STARD13: variants seen among roughly 807,000 people sequenced by gnomAD.
STARD13 encodes the protein stAR-related lipid transfer protein 13.
In STARD13, 62 loss-of-function variants were observed where a neutral mutation model predicts 106.4. The ratio of observed to expected loss-of-function variants is 0.58; its 90% CI spans 0.48 to 0.72. STARD13 has a LOEUF of 0.72. STARD13 is among the 30% of genes least tolerant of loss of function. The pLI is 0.00. For synonymous variants in STARD13, 565 were observed against 553.0 expected (o/e 1.02, Z -0.31); for missense variants, 1,387 against 1,424.0 (o/e 0.97, Z 0.42).
chr13:33,167,230 G>GA (rs1294355122), intron 2 of STARD13, among the ~76,000 whole-genome samples: 6 of 152,102 alleles, frequency 3.9e-5, no homozygotes, highest in African/African-American at 1.4e-4. Context: ...AGTAGTAAAG[G>GA]AAAAACAAGG....
chr13:33,256,474 C>T (rs554560069), intron 1 of STARD13, among the ~76,000 whole-genome samples: 1 of 152,346 alleles, frequency 6.6e-6, no homozygotes, highest in South Asian at 2.1e-4. Context: ...AACCCATCAG[C>T]ACATTGACAG....
the STARD13 span, among the ~76,000 whole-genome samples, chr13:33,619,655 T>G: frequency 3.3e-5 from 5 of 151,792 alleles, no homozygotes; most frequent in African/African-American, 1.2e-4. Context: ...ACAAAAAAGG[T>G]AGTGAAAAAA....
At chr13:33,350,926 G>A (rs2078072817), upstream of STARD13, among the ~76,000 whole-genome samples, 1 of 109,114 alleles carries the variant, frequency 9.2e-6, no homozygotes, top group Non-Finnish European at 2.0e-5. Context: ...TTCAGTTTCA[G>A]AAACTACCAC....
intron 1 of STARD13, among the ~76,000 whole-genome samples, chr13:33,328,147 T>A (rs2077798146): frequency 6.6e-6 from 1 of 152,234 alleles, no homozygotes; most frequent in Admixed American, 6.5e-5. Context: ...TTTCCAATGA[T>A]AACAATTTCC....
intron 1 of STARD13, 147 bp downstream of exon 1, chr13:33,285,323 A>G (rs1324123331): frequency 1.2e-6 from 1 of 868,306 alleles, no homozygotes; most frequent in South Asian, 1.8e-5. Context: ...CTGCAGCCTA[A>G]AGTTATTTTT....
At chr13:33,484,123 C>T in the STARD13 span, among the ~76,000 whole-genome samples, 96 of 152,310 alleles carry the variant, frequency 6.3e-4, 3 homozygotes, top group South Asian at 3.9e-3. Flanking sequence ...AAACCAACTC[C>T]ATCTTGCCTT....
chr13:33,408,902 C>T, the STARD13 span, among the ~76,000 whole-genome samples: 2 of 151,912 alleles, frequency 1.3e-5, no homozygotes, highest in Non-Finnish European at 2.9e-5. Flanking sequence ...TTTCTCCCTC[C>T]TTCCTTCACA....
chr13:33,336,579 C>T (rs1194465677), intron 1 of STARD13: 8 of 152,048 alleles, frequency 5.3e-5, no homozygotes, highest in African/African-American at 1.9e-4. Context: ...CATGGCGAGA[C>T]TCTGTCTCTT....
At chr13:33,640,992 G>A in the STARD13 span, among the ~76,000 whole-genome samples, 5 of 152,144 alleles carry the variant, frequency 3.3e-5, no homozygotes, top group Admixed American at 1.3e-4. Flanking sequence ...AAGACACAGG[G>A]GGAATTGTTC....
At chr13:33,186,010 A>G in intron 1 of STARD13, 1 of 1,614,162 alleles carries the variant, frequency 6.2e-7, no homozygotes, top group South Asian at 1.1e-5. Flanking sequence ...AGAACTGAGG[A>G]GGGTTCCAGC....
chr13:33,541,450 C>T, the STARD13 span, among the ~76,000 whole-genome samples: 1 of 152,142 alleles, frequency 6.6e-6, no homozygotes, highest in Non-Finnish European at 1.5e-5. Flanking sequence ...GCAATATCCC[C>T]CTAACTTCTA....
chr13:33,434,107 C>T, the STARD13 span, among the ~76,000 whole-genome samples: 151 of 152,240 alleles, frequency 9.9e-4, 1 homozygote, highest in Non-Finnish European at 1.3e-3. Flanking sequence ...AATCCCAACT[C>T]TTTAGGACGC....
the STARD13 span, among the ~76,000 whole-genome samples, chr13:33,669,813 C>G: frequency 6.6e-6 from 1 of 152,162 alleles, no homozygotes; most frequent in East Asian, 1.9e-4. Context: ...GGATTACAGG[C>G]GTGAGCCACC....
chr13:33,497,958 G>A, the STARD13 span, among the ~76,000 whole-genome samples: 2 of 152,134 alleles, frequency 1.3e-5, no homozygotes, highest in Non-Finnish European at 2.9e-5. Context: ...TCTGTAATAC[G>A]AAATGAGTTC....
the STARD13 span, among the ~76,000 whole-genome samples, chr13:33,554,661 T>C: frequency 5.3e-5 from 8 of 152,242 alleles, no homozygotes; most frequent in African/African-American, 1.9e-4. Context: ...ACTGAAGATA[T>C]AAATGCATGA....
At chr13:33,522,948 G>C in the STARD13 span, among the ~76,000 whole-genome samples, 4 of 152,164 alleles carry the variant, frequency 2.6e-5, no homozygotes, top group Non-Finnish European at 5.9e-5. Context: ...ATGTGTGTGA[G>C]AGCTTAGCAT....
intron 4 of STARD13, among the ~76,000 whole-genome samples, chr13:33,131,598 A>T (rs960078474): frequency 6.6e-6 from 1 of 152,212 alleles, no homozygotes; most frequent in Non-Finnish European, 1.5e-5. Context: ...AATAAAAAAG[A>T]GCAAGACCTG....
the STARD13 span, among the ~76,000 whole-genome samples, chr13:33,435,829 A>G: frequency 2.6e-5 from 4 of 152,200 alleles, no homozygotes; most frequent in African/African-American, 9.7e-5. Flanking sequence ...ATAATTTCAT[A>G]TTGGAATTGA....
the STARD13 span, among the ~76,000 whole-genome samples, chr13:33,613,344 C>T: frequency 6.6e-6 from 1 of 152,166 alleles, no homozygotes; most frequent in Non-Finnish European, 1.5e-5. Context: ...TTTTATCTTT[C>T]CCCAGGCTGA....
Sources: gnomAD v4.1 joint callset for allele counts (sites outside exome capture counted in the v4.1 genomes callset) on GRCh38, gnomAD v4.1.1 for gene constraint, MANE v1.5 for transcripts, NCBI Gene and HGNC (gene_info 2026-07-23, HGNC 2026-07-21) for gene names.